PLD5: variants seen among roughly 807,000 people sequenced by gnomAD.
PLD5 encodes inactive phospholipase D5.
A neutral mutation model predicts 61.1 loss-of-function variants in PLD5; 36 were observed. That is an observed-to-expected ratio of 0.59 (90% CI 0.45 to 0.78). The LOEUF (loss-of-function observed/expected upper bound fraction) is 0.78, where lower values mean the gene tolerates loss of function less well. Ranked by LOEUF, PLD5 falls within the 30% of genes least tolerant of loss-of-function variation. The probability of loss-of-function intolerance (pLI) is 0.00; values close to 1 mark genes in which losing one functional copy is unlikely to be tolerated. For synonymous variants in PLD5, 243 were observed against 242.8 expected (o/e 1.00, Z -0.01); for missense variants, 515 against 644.4 (o/e 0.80, Z 2.17).
rs568515767 is a variant in PLD5, at chr1:242,220,111, G to A, written c.612C>T (p.Ala204=). Residue 204 remains alanine (A), a synonymous_variant, in exon 5 of 10, where the codon GCC becomes GCT. Coordinates refer to ENST00000536534, the MANE Select transcript of PLD5 (RefSeq NM_001372062.1). ...KVLEALKLKG[A]EVTYMNMTAY... ...CGGTCATGTTCATGTACGTCACCTC[G>A]GCTCCTAGGAGTTCAAGGACAGTCT... is the stretch of plus-strand genomic sequence containing the variant. The A allele has an allele frequency of 8.3e-5, 134 of 1,614,028 alleles. No homozygotes were observed. In the South Asian group the frequency reaches 1.4e-3, roughly 17 times the overall value.
chr1:242,399,711 T>G (rs1450870534), intron 1 of PLD5, among the ~76,000 whole-genome samples: 1 of 151,890 alleles, frequency 6.6e-6, no homozygotes, highest in Non-Finnish European at 1.5e-5. Flanking sequence ...ATGGTACCAA[T>G]GGCCTATTAG....
chr1:242,356,157 T>C lies in PLD5; in HGVS notation c.190-7915A>G, dbSNP rs1170162085. 1.0e-4 allele frequency among the ~76,000 whole-genome samples: 3 copies of C among 29,218 alleles called. No homozygotes were observed. The Non-Finnish European group carries it at 1.1e-3, about 11-fold the overall frequency. 19.2% of individuals were successfully genotyped at this position (29,218 alleles called of 152,430 possible). On this transcript the variant is annotated intron_variant, in intron 1 of 9. Coordinates refer to ENST00000536534, the MANE Select transcript of PLD5 (RefSeq NM_001372062.1). ...TTATTGATTTTATGTCTATCCAATATTGAAAGTGATTATTAAATCCTCTAC... is the reference window on the plus strand; with the variant it reads ...TTATTGATTTTATGTCTATCCAATACTGAAAGTGATTATTAAATCCTCTAC...
chr1:242,403,254 T>C (rs1332580050), intron 1 of PLD5, among the ~76,000 whole-genome samples: 1 of 152,178 alleles, frequency 6.6e-6, no homozygotes, highest in African/African-American at 2.4e-5. Context: ...GTTTTGGCTG[T>C]GTTTATTGAG....
At chr1:242,268,213 G>A (rs1393409304) in intron 3 of PLD5, among the ~76,000 whole-genome samples, 1 of 152,140 alleles carries the variant, frequency 6.6e-6, no homozygotes, top group Non-Finnish European at 1.5e-5. Context: ...GGTGATGTGT[G>A]CATGGCCCAG....
chr1:242,349,032 T>A (rs185136830), intron 1 of PLD5, among the ~76,000 whole-genome samples: 13 of 152,160 alleles, frequency 8.5e-5, no homozygotes, highest in East Asian at 3.9e-4. Flanking sequence ...CCAGCCTGGG[T>A]GACAGAGCGA....
chr1:242,162,021 T>A (rs1158372891), intron 5 of PLD5, among the ~76,000 whole-genome samples: 1 of 152,174 alleles, frequency 6.6e-6, no homozygotes, highest in East Asian at 1.9e-4. Flanking sequence ...GGCTAGTTAT[T>A]GCCTATTTGG....
intron 2 of PLD5, among the ~76,000 whole-genome samples, chr1:242,292,350 C>T (rs1675417317): frequency 6.6e-6 from 1 of 152,096 alleles, no homozygotes; most frequent in Admixed American, 6.5e-5. Flanking sequence ...TTTAATTTTG[C>T]TTTGATATGA....
intron 5 of PLD5, among the ~76,000 whole-genome samples, chr1:242,161,548 A>C (rs1471794958): frequency 6.6e-6 from 1 of 152,094 alleles, no homozygotes; most frequent in African/African-American, 2.4e-5. Context: ...AAATTAACAT[A>C]ATGTTTTGAG....
intron 1 of PLD5, among the ~76,000 whole-genome samples, chr1:242,487,228 C>A (rs1365365678): frequency 2.2e-4 from 33 of 150,810 alleles, no homozygotes; most frequent in Admixed American, 2.2e-3. Flanking sequence ...AAAAAGTGAC[C>A]AAAGAAAAAA....
chr1:242,499,178 T>G (rs1668473440), intron 1 of PLD5, among the ~76,000 whole-genome samples: 1 of 152,218 alleles, frequency 6.6e-6, no homozygotes, highest in African/African-American at 2.4e-5. Context: ...TATTTGACAG[T>G]TAATAAAATA....
chr1:242,313,763 T>A (rs1428403851), intron 2 of PLD5, among the ~76,000 whole-genome samples: 2 of 151,516 alleles, frequency 1.3e-5, no homozygotes, highest in Non-Finnish European at 2.9e-5. Context: ...ACAAATACAA[T>A]GCCTTTTTTG....
At chr1:242,303,858 A>AT (rs1676198023) in intron 2 of PLD5, among the ~76,000 whole-genome samples, 1 of 152,218 alleles carries the variant, frequency 6.6e-6, no homozygotes, top group Admixed American at 6.5e-5. Flanking sequence ...CGAGAGGGCG[A>AT]TTATATGTGA....
chr1:242,145,120 T>C (rs1664454047), intron 5 of PLD5, among the ~76,000 whole-genome samples: 2 of 152,162 alleles, frequency 1.3e-5, no homozygotes, highest in South Asian at 4.1e-4. Context: ...TAGTAAAGGA[T>C]GGTACTAGAA....
chr1:242,323,698 C>G (rs1229480562), intron 2 of PLD5, among the ~76,000 whole-genome samples: 1 of 152,212 alleles, frequency 6.6e-6, no homozygotes, highest in Non-Finnish European at 1.5e-5. Context: ...CTCTAAAACT[C>G]TTACTCAGCA....
intron 4 of PLD5, among the ~76,000 whole-genome samples, chr1:242,232,946 G>C (rs984052952): frequency 6.6e-6 from 1 of 152,186 alleles, no homozygotes; most frequent in African/African-American, 2.4e-5. Context: ...CCTGAGGTCA[G>C]AAGTTCGAGA....
intron 2 of PLD5, among the ~76,000 whole-genome samples, chr1:242,339,581 A>G (rs1353351942): frequency 6.6e-6 from 1 of 152,202 alleles, no homozygotes; most frequent in Admixed American, 6.5e-5. Flanking sequence ...GCCAAAATGC[A>G]AGTGATGGTG....
chr1:242,233,713 T>G (rs1431277846), intron 4 of PLD5, among the ~76,000 whole-genome samples: 1 of 152,136 alleles, frequency 6.6e-6, no homozygotes, highest in African/African-American at 2.4e-5. Flanking sequence ...GCCATGTTTT[T>G]GGGTCCAATA....
chr1:242,153,701 C>T (rs1665122352), intron 5 of PLD5, among the ~76,000 whole-genome samples: 1 of 152,086 alleles, frequency 6.6e-6, no homozygotes, highest in Admixed American at 6.6e-5. Context: ...TGTTCTGTTC[C>T]ATTGGTCTAT....
At position 242,088,732 on chromosome 1, in the gene PLD5, C is replaced by A. The variant is rs918184152; in HGVS notation, c.*1122G>T. The A allele has an allele frequency of 1.3e-5, 2 of 152,148 alleles. No individual in the cohort carries two copies. Among genetic ancestry groups the A allele is most frequent in the African/African-American group, 2.4e-5 (1 of 41,436 alleles). The allele number at this position is 152,148 out of a possible 1,614,324, so 9.4% of individuals were successfully genotyped here. A position where few individuals can be genotyped will look rare whatever the true frequency, so the allele number is the denominator to read the frequency against. On this transcript the variant is annotated 3_prime_UTR_variant, in exon 10 of 10. Transcript: ENST00000536534. ...TGTATAGATATAAAACAACAACACACAATTACGTTATAGAACAATAATTCA... is the reference window on the plus strand; with the variant it reads ...TGTATAGATATAAAACAACAACACAAAATTACGTTATAGAACAATAATTCA...
Sources: allele counts gnomAD v4.1 joint callset (sites outside exome capture counted in the v4.1 genomes callset), GRCh38; gene constraint gnomAD v4.1.1; transcripts MANE v1.5; gene names NCBI Gene and HGNC (gene_info 2026-07-23, HGNC 2026-07-21).